CSMD1: variants seen among roughly 807,000 people sequenced by gnomAD.
CSMD1 encodes CUB and Sushi multiple domains 1, also known as CUB and sushi domain-containing protein 1.
A neutral mutation model predicts 417.5 loss-of-function variants in CSMD1; 213 were observed. That is an observed-to-expected ratio of 0.51 (90% CI 0.46 to 0.57). The LOEUF is 0.57. Ranked by LOEUF, CSMD1 falls within the 20% of genes least tolerant of loss-of-function variation. The pLI, the probability that CSMD1 is intolerant of heterozygous loss-of-function variation, is 0.00. For synonymous variants in CSMD1, 2,862 were observed against 1,736.8 expected (o/e 1.65, Z -16.11); for missense variants, 6,923 against 4,529.7 (o/e 1.53, Z -15.17).
rs1351289827 is a variant in CSMD1, at chr8:3,493,660, C to T, written c.1411G>A (p.Ala471Thr). ...GATCTGGTGTCTCCCACCTTCCCAG[C>T]ATCACCAACCGTCAGGGTGTCATAG... ...RGYDTLTVGD[A>T]GKVGDTRSVL... The change falls in exon 11 of 70, where the codon GCT (alanine) becomes ACT (threonine). Residue 471 changes from alanine (A) to threonine (T), a missense_variant. By Grantham distance (58) the Ala-to-Thr change is moderately conservative (BLOSUM62 0). Coordinates refer to ENST00000635120, the MANE Select transcript of CSMD1 (RefSeq NM_033225.6). 3 of 1,612,280 alleles carry T rather than the reference C, an allele frequency of 1.9e-6. No individual in the cohort carries two copies. In the Admixed American group the frequency reaches 5.0e-5, roughly 27 times the overall value.
Position 3,867,311 on chromosome 8 carries a change from G to A in CSMD1, c.819-113269C>T, listed in dbSNP as rs141124429. 2.8e-3 allele frequency among the ~76,000 whole-genome samples: 425 copies of A among 152,268 alleles called. 2 individuals are homozygous for A. Among genetic ancestry groups the A allele is most frequent in the African/African-American group, 4.9e-3 (203 of 41,556 alleles). ...TAAGGAAAACCATGACCAGTCTAAT[G>A]ATTACCACAAACAGTAGGGTAGCCT... On this transcript the variant is annotated intron_variant, in intron 5 of 69. Transcript: ENST00000635120.
rs554498562 is a variant in CSMD1, at chr8:3,342,760, A to G, written c.3631+534T>C. Reference sequence around the variant, plus strand: ...ACTCTTAAAACTGTTATCTCTGGCAAGTATTCAAAGTATTCCTCTTAGTTC... The same window carrying G: ...ACTCTTAAAACTGTTATCTCTGGCAGGTATTCAAAGTATTCCTCTTAGTTC... On this transcript the variant is annotated intron_variant, in intron 23 of 69. Coordinates refer to ENST00000635120, the MANE Select transcript of CSMD1 (RefSeq NM_033225.6). Among the ~76,000 whole-genome samples the G allele has an allele frequency of 4.6e-5, 7 of 152,302 alleles. No homozygotes were observed. The South Asian group carries it at 1.4e-3, about 32-fold the overall frequency.
At chr8:3,144,175 G>C (rs140437153) in intron 40 of CSMD1, among the ~76,000 whole-genome samples, 20 of 152,224 alleles carry the variant, frequency 1.3e-4, no homozygotes, top group East Asian at 7.8e-4. Flanking sequence ...AGCAAACTAA[G>C]GCTCTGAAAT....
chr8:4,857,061 A>G lies in CSMD1; in HGVS notation c.85+137271T>C, dbSNP rs535342176. On this transcript the variant is annotated intron_variant, in intron 1 of 69. Transcript: ENST00000635120. ...TGTAAAAGAACAGAAATTATAACAA[A>G]CTATCTCTCAGACCACAGTGCAATC... Among the ~76,000 whole-genome samples the G allele has an allele frequency of 3.2e-3, 474 of 149,004 alleles. 5 individuals are homozygous for G. Among genetic ancestry groups the G allele is most frequent in the African/African-American group, 0.011 (457 of 40,544 alleles).
intron 1 of CSMD1, among the ~76,000 whole-genome samples, chr8:4,657,335 C>A (rs1253558812): frequency 1.3e-5 from 2 of 152,140 alleles, no homozygotes; most frequent in African/African-American, 2.4e-5. Flanking sequence ...AACTGGCAGA[C>A]TGAGAGAGGA....
At chr8:3,266,627 A>AAAAAAAC (rs1801451212) in intron 26 of CSMD1, among the ~76,000 whole-genome samples, 1 of 147,570 alleles carries the variant, frequency 6.8e-6, no homozygotes, top group Non-Finnish European at 1.5e-5. Context: ...AAAAAAAAAA[A>AAAAAAAC]AGCCAGGCAT....
At chr8:4,313,420 C>G (rs1024447064) in intron 3 of CSMD1, among the ~76,000 whole-genome samples, 4 of 150,470 alleles carry the variant, frequency 2.7e-5, no homozygotes, top group African/African-American at 9.8e-5. Context: ...AGATGCCTGA[C>G]GGGACCCCTG....
intron 25 of CSMD1, among the ~76,000 whole-genome samples, chr8:3,305,033 T>A (rs543729795): frequency 1.3e-5 from 2 of 152,312 alleles, no homozygotes; most frequent in South Asian, 2.1e-4. Context: ...AGTTAAGGAC[T>A]AATATTTAAT....
intron 3 of CSMD1, among the ~76,000 whole-genome samples, chr8:4,223,940 T>C (rs1023457600): frequency 5.9e-5 from 9 of 152,184 alleles, no homozygotes; most frequent in Admixed American, 1.3e-4. Context: ...CCAGGGGTCC[T>C]TTGTGCTTGA....
At chr8:3,262,358 C>T (rs1057085795) in intron 26 of CSMD1, among the ~76,000 whole-genome samples, 5 of 150,682 alleles carry the variant, frequency 3.3e-5, no homozygotes, top group Non-Finnish European at 5.9e-5. Context: ...TGTGAAACTC[C>T]TGACAAATAT....
intron 17 of CSMD1, among the ~76,000 whole-genome samples, chr8:3,391,887 A>C (rs1257609809): frequency 6.6e-6 from 1 of 152,184 alleles, no homozygotes; most frequent in Non-Finnish European, 1.5e-5. Context: ...AACATGTATG[A>C]TGAAACAGAA....
intron 51 of CSMD1, among the ~76,000 whole-genome samples, chr8:3,023,780 A>G (rs1234710725): frequency 2.6e-5 from 4 of 152,076 alleles, no homozygotes; most frequent in Admixed American, 1.3e-4. Flanking sequence ...CTCCTAAGCA[A>G]ATAAGTAACT....
chr8:3,823,476 G>T (rs920115045), intron 5 of CSMD1, among the ~76,000 whole-genome samples: 4 of 152,102 alleles, frequency 2.6e-5, no homozygotes, highest in Non-Finnish European at 5.9e-5. Flanking sequence ...TGCAACGAAT[G>T]TATTTTTGAA....
At position 4,336,540 on chromosome 8, in the gene CSMD1, G is replaced by C. The variant is rs559564592; in HGVS notation, c.415+83413C>G. ...CAATAACGTGTTCGATGAATGTCAT[G>C]CTGCTTGTTTTCTAGATGGTTTCCA... On this transcript the variant is annotated intron_variant, in intron 3 of 69. Transcript: ENST00000635120. 9.9e-5 allele frequency among the ~76,000 whole-genome samples: 15 copies of C among 152,250 alleles called. No individual in the cohort carries two copies. The South Asian group carries it at 1.9e-3, about 19-fold the overall frequency.
chr8:4,236,160 G>C (rs1354503249), intron 3 of CSMD1, among the ~76,000 whole-genome samples: 1 of 150,070 alleles, frequency 6.7e-6, no homozygotes, highest in Non-Finnish European at 1.5e-5. Context: ...TAAGGTCTTC[G>C]ATCAGGAACT....
chr8:4,079,657 C>T (rs1032397105), intron 3 of CSMD1, among the ~76,000 whole-genome samples: 2 of 152,182 alleles, frequency 1.3e-5, no homozygotes, highest in African/African-American at 2.4e-5. Flanking sequence ...ATTGTTTCAG[C>T]GTTCTTGTGG....
intron 3 of CSMD1, among the ~76,000 whole-genome samples, chr8:4,168,352 C>A (rs1647296): frequency 6.6e-6 from 1 of 151,968 alleles, no homozygotes; most frequent in Non-Finnish European, 1.5e-5. Flanking sequence ...TCCTTGATTG[C>A]GCCACTGTAC....
At chr8:4,272,832 T>G (rs1007753354) in intron 3 of CSMD1, among the ~76,000 whole-genome samples, 9 of 152,166 alleles carry the variant, frequency 5.9e-5, no homozygotes, top group African/African-American at 2.2e-4. Context: ...CTTGTATCAG[T>G]CTTGATGAAT....
chr8:4,554,212 C>T (rs1315317463), intron 2 of CSMD1, among the ~76,000 whole-genome samples: 1 of 152,170 alleles, frequency 6.6e-6, no homozygotes, highest in African/African-American at 2.4e-5. Flanking sequence ...TCTCGGCTCA[C>T]TGCAACCTAT....
Sources: allele counts gnomAD v4.1 joint callset (sites outside exome capture counted in the v4.1 genomes callset), GRCh38; gene constraint gnomAD v4.1.1; transcripts MANE v1.5; gene names NCBI Gene and HGNC (gene_info 2026-07-23, HGNC 2026-07-21).